Variants in EXOSC4 observed in about 807,000 individuals in gnomAD.
EXOSC4 encodes the protein exosome complex component RRP41.
Under a neutral mutation model 20.0 loss-of-function variants are expected in EXOSC4, and 14 were observed. The ratio of observed to expected loss-of-function variants is 0.70; its 90% CI spans 0.46 to 1.09. The LOEUF is 1.09. Among genes scored for constraint, EXOSC4 ranks in the 50% least tolerant of loss-of-function variants. EXOSC4 has a pLI of 0.00. For synonymous variants in EXOSC4, 148 were observed against 146.4 expected (o/e 1.01, Z -0.08); for missense variants, 337 against 334.0 (o/e 1.01, Z -0.07).
At chr8:144,076,241 CA>C (rs1197003546), upstream of EXOSC4, among the ~76,000 whole-genome samples, 2 of 152,202 alleles carry the variant, frequency 1.3e-5, no homozygotes, top group African/African-American at 4.8e-5. Flanking sequence ...TGGAGTCCAC[CA>C]GGAGAGGACG....
At chr8:144,065,466 C>T in the EXOSC4 span, among the ~76,000 whole-genome samples, 1 of 152,084 alleles carries the variant, frequency 6.6e-6, no homozygotes, top group Non-Finnish European at 1.5e-5. Flanking sequence ...CAGGGGCTCA[C>T]ACCTGTAATC....
the EXOSC4 span, among the ~76,000 whole-genome samples, chr8:144,066,282 A>G: frequency 3.3e-5 from 5 of 150,626 alleles, no homozygotes; most frequent in African/African-American, 9.8e-5. Flanking sequence ...GCCTCCCAAA[A>G]TGCTGGGATT....
upstream of EXOSC4, chr8:144,078,670 C>T (rs1304984974): frequency 2.2e-6 from 3 of 1,349,746 alleles, no homozygotes; most frequent in Non-Finnish European, 2.9e-6. The surrounding 1 kb of genome is among the most constrained non-coding windows in gnomAD (Gnocchi z 4.7). Context: ...CCGCCGGGAG[C>T]TGTAGTTCTC....
chr8:144,078,628 C>G, upstream of EXOSC4: 6 of 1,269,948 alleles, frequency 4.7e-6, no homozygotes, highest in Non-Finnish European at 5.1e-6. This position sits in a 1 kb window ranked among gnomAD's most constrained non-coding sequence, Gnocchi z 4.7. Flanking sequence ...GATGGCGGAC[C>G]TCCGGAAACC....
At chr8:144,064,462 G>A in the EXOSC4 span, among the ~76,000 whole-genome samples, 1 of 152,274 alleles carries the variant, frequency 6.6e-6, no homozygotes, top group Non-Finnish European at 1.5e-5. Context: ...CTGGACAGCA[G>A]CAACCAGGGC....
the EXOSC4 span, among the ~76,000 whole-genome samples, chr8:144,068,555 G>C: frequency 6.6e-6 from 1 of 151,992 alleles, no homozygotes; most frequent in African/African-American, 2.4e-5. Context: ...CTCCACCTGA[G>C]ACCCCACACA....
chr8:144,068,355 T>C, the EXOSC4 span, among the ~76,000 whole-genome samples: 1 of 152,230 alleles, frequency 6.6e-6, no homozygotes, highest in African/African-American at 2.4e-5. Context: ...CAACCCTTTA[T>C]GAGAAATAAA....
chr8:144,068,241 G>C, the EXOSC4 span, among the ~76,000 whole-genome samples: 1 of 152,114 alleles, frequency 6.6e-6, no homozygotes, highest in Non-Finnish European at 1.5e-5. Context: ...ACTCCCTTCA[G>C]CATAAATTCC....
Position 144,079,984 on chromosome 8 carries a change from A to G in EXOSC4, c.213A>G (p.Leu71=). 1 of 1,614,058 alleles carries G rather than the reference A, an allele frequency of 6.2e-7. No individual in the cohort carries two copies. Among genetic ancestry groups the G allele is most frequent in the Non-Finnish European group, 8.5e-7 (1 of 1,180,028 alleles). The change falls in exon 2 of 3, where the codon CTA becomes CTG. Residue 71 remains leucine (L), a synonymous_variant. Coordinates refer to ENST00000316052, the MANE Select transcript of EXOSC4 (RefSeq NM_019037.3). ...CTCGAGCCCTGCCGGACAGGGCCCT[A>G]GTGAACTGTCAATATAGTTCAGCGA... The part of the protein sequence containing the change: ...SRARALPDRA[L]VNCQYSSATF...
At chr8:144,076,728 G>A (rs1835838476), upstream of EXOSC4, among the ~76,000 whole-genome samples, 1 of 152,156 alleles carries the variant, frequency 6.6e-6, no homozygotes, top group Non-Finnish European at 1.5e-5. Flanking sequence ...CTACACAACT[G>A]GGGTGGGCAG....
rs868931026 is a variant in EXOSC4 at position 144,080,483 on chromosome 8, A to G, written c.620A>G (p.Glu207Gly). The G allele has an allele frequency of 3.1e-6, 5 of 1,607,610 alleles. No homozygotes were observed. In the Middle Eastern group the frequency reaches 8.2e-4, roughly 265 times the overall value. ...ALLEMDARLHEDHLERVLEAA... is the reference protein window; with the variant it reads ...ALLEMDARLHGDHLERVLEAA... ...CTTGAGATGGATGCCCGGCTGCACGAGGACCACCTGGAGCGGGTGTTGGAG... is the reference window on the plus strand; with the variant it reads ...CTTGAGATGGATGCCCGGCTGCACGGGGACCACCTGGAGCGGGTGTTGGAG... Residue 207 changes from glutamate to glycine, a missense_variant, in exon 3 of 3, where the codon GAG (glutamate) becomes GGG (glycine). By Grantham distance (98) the Glu-to-Gly change is moderately conservative. Coordinates refer to ENST00000316052, the MANE Select transcript of EXOSC4 (RefSeq NM_019037.3). This position sits in a 1 kb window ranked among gnomAD's most constrained non-coding sequence, Gnocchi z 4.9.
the EXOSC4 span, among the ~76,000 whole-genome samples, chr8:144,070,991 G>C: frequency 1.3e-5 from 2 of 151,836 alleles, no homozygotes; most frequent in African/African-American, 4.8e-5. Flanking sequence ...AATAAGGAGG[G>C]AGGAGCGGAG....
upstream of EXOSC4, among the ~76,000 whole-genome samples, chr8:144,076,622 A>G (rs1336151706): frequency 6.6e-6 from 1 of 152,180 alleles, no homozygotes. Flanking sequence ...CAAAGGTTCC[A>G]CTGATCTTGA....
Position 144,080,375 on chromosome 8 carries a change from C to G in EXOSC4, c.512C>G (p.Ala171Gly). ...SAGFVDGTALADLSHVEEAAG... is the reference protein window; with the variant it reads ...SAGFVDGTALGDLSHVEEAAG... Reference sequence around the variant, plus strand: ...GGCTTCGTGGACGGCACAGCCCTGGCGGACCTCAGCCATGTGGAGGAAGCA... The same window carrying G: ...GGCTTCGTGGACGGCACAGCCCTGGGGGACCTCAGCCATGTGGAGGAAGCA... The change falls in exon 3 of 3, where the codon GCG (alanine) becomes GGG (glycine). Residue 171 changes from alanine (A) to glycine (G), a missense_variant. Coordinates refer to ENST00000316052, the MANE Select transcript of EXOSC4 (RefSeq NM_019037.3). This position sits in a 1 kb window ranked among gnomAD's most constrained non-coding sequence, Gnocchi z 4.9. 1 of 1,612,276 alleles carries G rather than the reference C, an allele frequency of 6.2e-7. No homozygotes were observed. Among genetic ancestry groups the G allele is most frequent in the Non-Finnish European group, 8.5e-7 (1 of 1,180,014 alleles).
chr8:144,069,254 A>G, the EXOSC4 span, among the ~76,000 whole-genome samples: 18 of 152,214 alleles, frequency 1.2e-4, no homozygotes, highest in Admixed American at 1.0e-3. Context: ...CTGGCTGTCT[A>G]TTGCTGCCCT....
chr8:144,069,239 G>A, the EXOSC4 span, among the ~76,000 whole-genome samples: 3 of 152,232 alleles, frequency 2.0e-5, no homozygotes, highest in Non-Finnish European at 4.4e-5. Flanking sequence ...GAGTGGTTGG[G>A]TGTGCTGGCT....
the EXOSC4 span, among the ~76,000 whole-genome samples, chr8:144,065,748 T>G: frequency 6.6e-6 from 1 of 151,772 alleles, no homozygotes; most frequent in African/African-American, 2.4e-5. Flanking sequence ...TACAATAAAA[T>G]AATTCCTATA....
Position 144,078,936 on chromosome 8 carries a change from T to C in EXOSC4, c.171+37T>C, listed in dbSNP as rs911354291. 7.0e-7 allele frequency: 1 copy of C among 1,434,000 alleles called. No homozygotes were observed. The highest frequency in any genetic ancestry group is 9.2e-7 in the Non-Finnish European group (1 of 1,091,756). 88.8% of individuals were successfully genotyped at this position (1,434,000 alleles called of 1,614,324 possible). On this transcript the variant is annotated intron_variant, in intron 1 of 2. Transcript: ENST00000316052. The surrounding 1 kb of genome is among the most constrained non-coding windows in gnomAD (Gnocchi z 4.7). ...CGCGGGATGGGGAATCGTGTGGCCG[T>C]GGGAGCTGCGGGGCAGCCGGGCTGA...
chr8:144,074,787 T>C (rs1380348043), upstream of EXOSC4, among the ~76,000 whole-genome samples: 3 of 152,152 alleles, frequency 2.0e-5, no homozygotes, highest in Admixed American at 6.6e-5. Context: ...TTGCCCAGGC[T>C]GGTCTCGGAC....
Sources: allele counts gnomAD v4.1 joint callset (sites outside exome capture counted in the v4.1 genomes callset), GRCh38; gene constraint gnomAD v4.1.1; non-coding constraint Gnocchi (gnomAD v3.1); transcripts MANE v1.5; gene names NCBI Gene and HGNC (gene_info 2026-07-23, HGNC 2026-07-21).